Variants in SLC2A14 observed in about 807,000 individuals in gnomAD.
The protein encoded by SLC2A14 is solute carrier family 2 member 14, also known as solute carrier family 2, facilitated glucose transporter member 14.
Under a neutral mutation model 43.0 loss-of-function variants are expected in SLC2A14, and 13 were observed. The observed-to-expected ratio is 0.30, with a 90% CI of 0.20 to 0.48. The LOEUF is 0.48. SLC2A14 is among the 20% of genes least tolerant of loss of function. The probability of loss-of-function intolerance (pLI) is 0.99; values close to 1 mark genes in which losing one functional copy is unlikely to be tolerated. For missense variants in SLC2A14, 428 were observed against 620.4 expected, an observed-to-expected ratio of 0.69 and a Z score of 3.29; for synonymous variants, 190 against 233.8, an observed-to-expected ratio of 0.81 and a Z score of 1.71.
At chr12:7,816,896 TG>T (rs2120653532) in intron 10 of SLC2A14, among the ~76,000 whole-genome samples, 1 of 151,490 alleles carries the variant, frequency 6.6e-6, no homozygotes. Context: ...TTAGCAGAGA[TG>T]GTGTTTCACC....
intron 2 of SLC2A14, among the ~76,000 whole-genome samples, chr12:7,864,125 T>A (rs1042147215): frequency 6.6e-6 from 1 of 151,650 alleles, no homozygotes; most frequent in Non-Finnish European, 1.5e-5. Flanking sequence ...CACCACATTG[T>A]TTTGATTACA....
At chr12:7,858,495 ATTTTCTTTTCT>A (rs1042709202) in intron 2 of SLC2A14, among the ~76,000 whole-genome samples, 4 of 151,880 alleles carry the variant, frequency 2.6e-5, no homozygotes, top group Non-Finnish European at 5.9e-5. Flanking sequence ...AAAAATTTTA[ATTTTCTTTTCT>A]TTTTCTTTTT....
intron 1 of SLC2A14, among the ~76,000 whole-genome samples, chr12:7,886,973 G>A (rs773816519): frequency 2.0e-5 from 3 of 148,032 alleles, no homozygotes; most frequent in Non-Finnish European, 4.4e-5. Flanking sequence ...GTGCAATGGC[G>A]CGATCTCGGC....
intron 1 of SLC2A14, among the ~76,000 whole-genome samples, chr12:7,883,601 T>A (rs1340565365): frequency 1.4e-5 from 2 of 138,096 alleles, no homozygotes; most frequent in Non-Finnish European, 3.1e-5. Flanking sequence ...TTTTTTTTTT[T>A]TTTTTTTTTT....
intron 2 of SLC2A14, among the ~76,000 whole-genome samples, chr12:7,846,100 AAAAGAAAG>A (rs137928801): frequency 6.6e-6 from 1 of 152,024 alleles, no homozygotes. Context: ...CTAAACAAAA[AAAAGAAAG>A]AAAGAAAGAA....
At position 7,817,793 on chromosome 12, in the gene SLC2A14, T is replaced by TAGATAGACAGAC. The variant is rs773192476; in HGVS notation, c.1275+37_1275+38insGTCTGTCTATCT. On this transcript the variant is annotated intron_variant, in intron 10 of 10. Transcript: ENST00000431042. ...ATAGATAGATAGACAGATACATAGATAGATACATAGATACATAGATAAGGT... is the reference window on the plus strand; with the variant it reads ...ATAGATAGATAGACAGATACATAGATAGATAGACAGACAGATACATAGATACATAGATAAGGT... The TAGATAGACAGAC allele has an allele frequency of 1.6e-5, 24 of 1,458,176 alleles. No individual in the cohort carries two copies. The African/African-American group carries it at 3.9e-4, about 24-fold the overall frequency. 90.3% of individuals were successfully genotyped at this position (1,458,176 alleles called of 1,614,324 possible).
intron 2 of SLC2A14, among the ~76,000 whole-genome samples, chr12:7,855,610 T>C (rs1025472049): frequency 4.6e-5 from 7 of 151,442 alleles, no homozygotes; most frequent in Non-Finnish European, 1.0e-4. Context: ...GTACCACTGC[T>C]TCTTCCACAA....
At chr12:7,873,432 A>G (rs570175233), upstream of SLC2A14, 2 of 871,132 alleles carry the variant, frequency 2.3e-6, no homozygotes, top group East Asian at 2.4e-4. Flanking sequence ...ACTTGAGGTC[A>G]GGGGTTCGAG....
At chr12:7,839,524 A>C (rs953014707) in intron 2 of SLC2A14, among the ~76,000 whole-genome samples, 23 of 152,160 alleles carry the variant, frequency 1.5e-4, no homozygotes, top group African/African-American at 5.1e-4. Flanking sequence ...AATGTGACAG[A>C]CAGCCAGGAA....
chr12:7,857,027 G>A (rs995098541), intron 2 of SLC2A14, among the ~76,000 whole-genome samples: 19 of 151,706 alleles, frequency 1.3e-4, no homozygotes, highest in Admixed American at 5.3e-4. Flanking sequence ...CAAGGCGGGC[G>A]GATCACGAGG....
At chr12:7,814,598 C>T in intron 10 of SLC2A14, 64 bp from the exon 11 acceptor site, 1 of 1,515,672 alleles carries the variant, frequency 6.6e-7, no homozygotes. Flanking sequence ...AATACAATTT[C>T]CTTCACATTC....
Position 7,813,494 on chromosome 12 carries a change from A to G in SLC2A14, c.*822T>C, listed in dbSNP as rs1045614625. 4 of 152,220 alleles carry G rather than the reference A, an allele frequency of 2.6e-5. No homozygotes were observed. Among genetic ancestry groups the G allele is most frequent in the African/African-American group, 9.6e-5 (4 of 41,456 alleles). 9.4% of individuals were successfully genotyped at this position (152,220 alleles called of 1,614,324 possible). A position where few individuals can be genotyped will look rare whatever the true frequency, so the allele number is the denominator to read the frequency against. ...TAGTTAATAATCCTAGATTTCAAGT[A>G]CTACTACATGTAAACTATTATCTTA... On this transcript the variant is annotated 3_prime_UTR_variant, in exon 11 of 11. Coordinates refer to ENST00000431042, the MANE Select transcript of SLC2A14 (RefSeq NM_001286234.2).
intron 7 of SLC2A14, among the ~76,000 whole-genome samples, chr12:7,822,438 C>A (rs1024019823): frequency 3.3e-5 from 5 of 151,620 alleles, no homozygotes; most frequent in African/African-American, 1.2e-4. Context: ...GAGGCCGAGG[C>A]GGGCAGATCA....
rs555945204 is a variant in SLC2A14, at chr12:7,844,647, G to A, written c.19-11833C>T. The stretch of plus-strand genomic sequence containing the variant: ...CACCTCCCAGGTTCAAGCAGTTTTC[G>A]TGCCTCAGCCTCCCGAGTAGCTGGG... On this transcript the variant is annotated intron_variant, in intron 2 of 10. Coordinates refer to ENST00000431042, the MANE Select transcript of SLC2A14 (RefSeq NM_001286234.2). Among the ~76,000 whole-genome samples the A allele has an allele frequency of 1.7e-4, 26 of 150,942 alleles. No homozygotes were observed. In the South Asian group the frequency reaches 4.4e-3, roughly 25 times the overall value.
rs1321406443 is a variant in SLC2A14, at chr12:7,813,410, T to C, written c.*906A>G. ...AGGCTTTCTAGAAATCACTTTCTCT[T>C]CCCTGGACTCCATCCAAAATTAGAA... On this transcript the variant is annotated 3_prime_UTR_variant, in exon 11 of 11. Transcript: ENST00000431042. 1.3e-5 allele frequency: 2 copies of C among 152,164 alleles called. No individual in the cohort carries two copies. Among genetic ancestry groups the C allele is most frequent in the African/African-American group, 2.4e-5 (1 of 41,440 alleles). 9.4% of individuals were successfully genotyped at this position (152,164 alleles called of 1,614,324 possible). A position where few individuals can be genotyped will look rare whatever the true frequency, so the allele number is the denominator to read the frequency against.
chr12:7,829,632 A>G, intron 5 of SLC2A14, 134 bp downstream of exon 5: 1 of 1,284,406 alleles, frequency 7.8e-7, no homozygotes, highest in Non-Finnish European at 1.1e-6. Flanking sequence ...CTGCTTCTTC[A>G]GCTACTATCT....
chr12:7,815,408 TC>T (rs907822972), intron 10 of SLC2A14, among the ~76,000 whole-genome samples: 2 of 152,072 alleles, frequency 1.3e-5, no homozygotes, highest in Admixed American at 1.3e-4. Context: ...AAAGTGAGAC[TC>T]CGTCTCAAAT....
intron 2 of SLC2A14, among the ~76,000 whole-genome samples, chr12:7,843,360 T>C (rs1311068911): frequency 3.6e-5 from 5 of 140,594 alleles, no homozygotes; most frequent in African/African-American, 1.3e-4. Flanking sequence ...TCAAAAAGAG[T>C]GGATGAAAGC....
chr12:7,818,848 T>C (rs1326714728), intron 9 of SLC2A14, among the ~76,000 whole-genome samples: 2 of 152,076 alleles, frequency 1.3e-5, no homozygotes, highest in Non-Finnish European at 2.9e-5. Context: ...ATCCCATCTA[T>C]GTGATCTCAT....
Sources: gnomAD v4.1 joint callset for allele counts (sites outside exome capture counted in the v4.1 genomes callset) on GRCh38, gnomAD v4.1.1 for gene constraint, MANE v1.5 for transcripts, NCBI Gene and HGNC (gene_info 2026-07-23, HGNC 2026-07-21) for gene names.